Variants in RIT2 observed in about 807,000 individuals in gnomAD.
The protein encoded by RIT2 is Ras like without CAAX 2.
A neutral mutation model predicts 23.7 loss-of-function variants in RIT2; 24 were observed. That is an observed-to-expected ratio of 1.01 (90% confidence interval 0.73 to 1.43). RIT2 has a LOEUF of 1.43. Among genes scored for constraint, RIT2 ranks in the 40% most tolerant of loss-of-function variants. The probability of loss-of-function intolerance (pLI) is 0.00; values close to 1 mark genes in which losing one functional copy is unlikely to be tolerated. For missense variants in RIT2, 236 were observed against 266.9 expected, an observed-to-expected ratio of 0.88 and a Z score of 0.81; for synonymous variants, 107 against 91.1, an observed-to-expected ratio of 1.17 and a Z score of -0.99.
chr18:43,096,326 A>G (rs1389821105), intron 1 of RIT2, among the ~76,000 whole-genome samples: 1 of 151,842 alleles, frequency 6.6e-6, no homozygotes, highest in African/African-American at 2.4e-5. Context: ...GCTGGAAACT[A>G]TCGTCTTCCT....
At chr18:42,794,152 C>G (rs1914102352) in intron 4 of RIT2, among the ~76,000 whole-genome samples, 1 of 152,162 alleles carries the variant, frequency 6.6e-6, no homozygotes, top group African/African-American at 2.4e-5. Context: ...GAAGGTAAGG[C>G]CAGGCACTCC....
chr18:43,010,102 A>G (rs1911317476), intron 2 of RIT2, among the ~76,000 whole-genome samples: 1 of 151,814 alleles, frequency 6.6e-6, no homozygotes, highest in Non-Finnish European at 1.5e-5. Context: ...TGTATCAGCA[A>G]GCATTTTCCT....
chr18:42,999,091 G>A (rs1035930639), intron 2 of RIT2, among the ~76,000 whole-genome samples: 3 of 151,880 alleles, frequency 2.0e-5, no homozygotes, highest in Non-Finnish European at 4.4e-5. Flanking sequence ...CCCCTTTCCC[G>A]TCTCGAAGAA....
chr18:42,914,465 A>G (rs540356403), intron 4 of RIT2, among the ~76,000 whole-genome samples: 6 of 152,178 alleles, frequency 3.9e-5, no homozygotes, highest in Admixed American at 3.9e-4. Context: ...ATAAAAAGAA[A>G]CACACTACTG....
intron 1 of RIT2, among the ~76,000 whole-genome samples, chr18:43,087,866 G>A (rs544948106): frequency 1.3e-4 from 20 of 152,284 alleles, no homozygotes; most frequent in Non-Finnish European, 2.5e-4. Context: ...GGAAACATAA[G>A]TGACAATGAT....
chr18:42,920,594 A>G (rs1037313074), intron 4 of RIT2: 2 of 708,416 alleles, frequency 2.8e-6, no homozygotes, highest in African/African-American at 3.6e-5. Context: ...AACACATAAT[A>G]CACTAAAACT....
intron 4 of RIT2, among the ~76,000 whole-genome samples, chr18:42,876,204 G>A (rs1907739110): frequency 6.6e-6 from 1 of 151,948 alleles, no homozygotes; most frequent in Non-Finnish European, 1.5e-5. Flanking sequence ...TCTCAAAGAA[G>A]TGAGATGATG....
chr18:42,814,509 A>G (rs879732029), intron 4 of RIT2, among the ~76,000 whole-genome samples: 1 of 152,140 alleles, frequency 6.6e-6, no homozygotes, highest in Non-Finnish European at 1.5e-5. Flanking sequence ...TCCTGGGATC[A>G]TAACTCCATT....
intron 4 of RIT2, among the ~76,000 whole-genome samples, chr18:42,825,596 A>C (rs1330000723): frequency 6.6e-6 from 1 of 151,952 alleles, no homozygotes; most frequent in African/African-American, 2.4e-5. Context: ...CAATGTAAAA[A>C]TGTGACATAA....
At chr18:43,016,633 G>A (rs1189164974) in intron 2 of RIT2, among the ~76,000 whole-genome samples, 1 of 151,724 alleles carries the variant, frequency 6.6e-6, no homozygotes, top group Non-Finnish European at 1.5e-5. Context: ...AATATTCAAA[G>A]TTAAAGAAAA....
chr18:42,992,879 C>T (rs1181211271), intron 2 of RIT2, among the ~76,000 whole-genome samples: 3 of 152,060 alleles, frequency 2.0e-5, no homozygotes, highest in South Asian at 2.1e-4. Context: ...GTCAGAAGGC[C>T]GTTTTATTAT....
chr18:42,968,127 T>G (rs1407692236), intron 3 of RIT2, among the ~76,000 whole-genome samples: 1 of 152,160 alleles, frequency 6.6e-6, no homozygotes, highest in Non-Finnish European at 1.5e-5. Flanking sequence ...TCATTTTTAT[T>G]TGGTTTCTAT....
At chr18:43,061,955 C>G (rs1206050155) in intron 1 of RIT2, among the ~76,000 whole-genome samples, 1 of 152,052 alleles carries the variant, frequency 6.6e-6, no homozygotes, top group African/African-American at 2.4e-5. Context: ...CTGTCATTCT[C>G]CCTCCCACTC....
At chr18:42,790,817 C>CAGA (rs2143945992) in intron 4 of RIT2, among the ~76,000 whole-genome samples, 1 of 152,252 alleles carries the variant, frequency 6.6e-6, no homozygotes, top group Non-Finnish European at 1.5e-5. Context: ...ATGATGTGTT[C>CAGA]TCATTTTACA....
chr18:43,055,350 A>G (rs1402273764), intron 1 of RIT2, among the ~76,000 whole-genome samples: 1 of 152,074 alleles, frequency 6.6e-6, no homozygotes, highest in Non-Finnish European at 1.5e-5. Flanking sequence ...GATGAAAACA[A>G]TGATGAAATG....
At chr18:43,074,920 A>G (rs903734009) in intron 1 of RIT2, among the ~76,000 whole-genome samples, 2 of 152,226 alleles carry the variant, frequency 1.3e-5, no homozygotes, top group Admixed American at 6.5e-5. Flanking sequence ...GAGGGAGAGC[A>G]TCGGGAAAAA....
intron 1 of RIT2, among the ~76,000 whole-genome samples, chr18:43,036,958 T>TAGAAA (rs1911995326): frequency 1.3e-5 from 2 of 152,228 alleles, no homozygotes; most frequent in African/African-American, 4.8e-5. Context: ...TAAATTTTAT[T>TAGAAA]TCATTTTATG....
At chr18:42,987,183 C>T (rs529395267) in intron 2 of RIT2, among the ~76,000 whole-genome samples, 273 of 152,096 alleles carry the variant, frequency 1.8e-3, no homozygotes, top group African/African-American at 5.8e-3. Context: ...TATGTGTGTG[C>T]GTACGTATAC....
intron 2 of RIT2, among the ~76,000 whole-genome samples, chr18:43,010,901 A>G (rs1911335615): frequency 6.6e-6 from 1 of 151,800 alleles, no homozygotes; most frequent in African/African-American, 2.4e-5. Context: ...TATATGGGAG[A>G]ACAATAGCTG....
Sources: allele counts gnomAD v4.1 joint callset (sites outside exome capture counted in the v4.1 genomes callset), GRCh38; gene constraint gnomAD v4.1.1; transcripts MANE v1.5; gene names NCBI Gene and HGNC (gene_info 2026-07-23, HGNC 2026-07-21).